Variants in TMEM150C observed in about 807,000 individuals in gnomAD.
TMEM150C encodes the protein transmembrane protein 150C, also known as tentonin 3.
In TMEM150C, 10 loss-of-function variants were observed where a neutral mutation model predicts 29.9. The ratio of observed to expected loss-of-function variants is 0.33; its 90% CI spans 0.21 to 0.57. The LOEUF is 0.57. Ranked by LOEUF, TMEM150C falls within the 20% of genes least tolerant of loss-of-function variation. The pLI, the probability that TMEM150C is intolerant of heterozygous loss-of-function variation, is 0.88. For missense variants in TMEM150C, 251 were observed against 303.6 expected (o/e 0.83, Z 1.29); for synonymous variants, 101 against 112.5 (o/e 0.90, Z 0.64).
In TMEM150C at chr4:82,484,837, T is replaced by C. The variant is rs1020145024; in HGVS notation, c.*674A>G. 1.5e-4 allele frequency: 23 copies of C among 152,550 alleles called. No homozygotes were observed. The highest frequency in any genetic ancestry group is 5.3e-4 in the African/African-American group (22 of 41,440). The allele number at this position is 152,550 out of a possible 1,614,324, so 9.4% of individuals were successfully genotyped here. On this transcript the variant is annotated 3_prime_UTR_variant, in exon 8 of 8. Transcript: ENST00000449862. ...CTGATAGACCACGTCCCTACACATA[T>C]TCACATTTGGAAATCATTCTCAGTC...
chr4:82,510,802 C>T (rs1202108937), intron 1 of TMEM150C, among the ~76,000 whole-genome samples: 4 of 152,150 alleles, frequency 2.6e-5, no homozygotes, highest in African/African-American at 4.8e-5. Context: ...ATGAACGAGT[C>T]GCCCACTCAT....
intron 1 of TMEM150C, among the ~76,000 whole-genome samples, chr4:82,523,333 T>C (rs551756904): frequency 2.0e-5 from 3 of 152,256 alleles, no homozygotes; most frequent in Non-Finnish European, 2.9e-5. Context: ...TTGATTTGCA[T>C]AGGGCTCAGG....
chr4:82,552,907 GGGTGCTGC>G (rs1338491575), intron 1 of TMEM150C, among the ~76,000 whole-genome samples: 2 of 152,190 alleles, frequency 1.3e-5, no homozygotes, highest in African/African-American at 4.8e-5. Context: ...CCCAGTGGAA[GGGTGCTGC>G]ATCTTAGGGC....
chr4:82,504,818 CA>C (rs1252991995), intron 1 of TMEM150C, among the ~76,000 whole-genome samples, 151 bp from the exon 2 acceptor site: 1 of 152,112 alleles, frequency 6.6e-6, no homozygotes, highest in Non-Finnish European at 1.5e-5. Context: ...ATCACGAGGT[CA>C]GGAGATCGAG....
chr4:82,492,852 G>A (rs1383953999), intron 6 of TMEM150C, among the ~76,000 whole-genome samples: 3 of 88,704 alleles, frequency 3.4e-5, no homozygotes, highest in African/African-American at 4.9e-5. Flanking sequence ...CAAACCTAGC[G>A]TATATGTTTG....
chr4:82,531,754 CAAAAAA>C lies in TMEM150C; in HGVS notation c.-10-27093_-10-27088del, dbSNP rs757992713. ...TGGGCAACAGAGCAAGACTCTGTCT[CAAAAAA>C]AAAAAAAAAAAAAAAAAAGGTCATG... On this transcript the variant is annotated intron_variant, in intron 1 of 7. Transcript: ENST00000449862. Among the ~76,000 whole-genome samples the C allele has an allele frequency of 5.2e-3, 321 of 62,290 alleles. 1 individual carries two copies. Among genetic ancestry groups the C allele is most frequent in the Middle Eastern group, 0.024 (2 of 84 alleles). The allele number at this position is 62,290 out of a possible 152,430, so 40.9% of individuals were successfully genotyped here.
chr4:82,502,735 G>T lies in TMEM150C; in HGVS notation c.227C>A (p.Ala76Asp). ...CTTTACCCTCTTCTTACCTAGGAAG[G>T]CTGCCATGTTCATAACTTGACTAAA... ...CVFSQVMNMA[A>D]FLALVVAVLR... The change falls in exon 5 of 8, where the codon GCC becomes GAC. Residue 76 changes from alanine to aspartate, a missense_variant. Ala to Asp is a moderately radical substitution (Grantham distance 126). Transcript: ENST00000449862. The T allele has an allele frequency of 6.2e-7, 1 of 1,609,478 alleles. No homozygotes were observed. Among genetic ancestry groups the T allele is most frequent in the Non-Finnish European group, 8.5e-7 (1 of 1,177,764 alleles).
chr4:82,530,108 A>C (rs1361098014), intron 1 of TMEM150C, among the ~76,000 whole-genome samples: 1 of 150,556 alleles, frequency 6.6e-6, no homozygotes, highest in African/African-American at 2.5e-5. Context: ...CTCTCTCTAG[A>C]GAGAGAGAGT....
intron 1 of TMEM150C, among the ~76,000 whole-genome samples, chr4:82,522,840 A>G (rs934393257): frequency 6.6e-6 from 1 of 152,170 alleles, no homozygotes; most frequent in African/African-American, 2.4e-5. Flanking sequence ...TGGCTAAACC[A>G]ACCTAACGGG....
chr4:82,511,616 C>T (rs1025518458), intron 1 of TMEM150C, among the ~76,000 whole-genome samples: 29 of 151,934 alleles, frequency 1.9e-4, no homozygotes, highest in Non-Finnish European at 2.2e-4. Flanking sequence ...GCTGGGACTA[C>T]AGGCGTGTGC....
At chr4:82,494,872 C>G (rs1723488055) in intron 6 of TMEM150C, 11 of 511,888 alleles carry the variant, frequency 2.1e-5, no homozygotes, top group South Asian at 1.7e-4. Context: ...GAAGCAGAAG[C>G]TCGCAGAGAG....
rs574970984 is a variant in TMEM150C, at chr4:82,495,991, C to G, written c.363+77G>C. ...TTATATGGGCCATATGGTGATTATA[C>G]CTCAATAGCTTTGATAGTCTCAGAA... On this transcript the variant is annotated intron_variant, in intron 6 of 7. Transcript: ENST00000449862. The G allele has an allele frequency of 2.8e-5, 45 of 1,582,910 alleles. No individual in the cohort carries two copies. In the East Asian group the frequency reaches 8.7e-4, roughly 31 times the overall value.
intron 1 of TMEM150C, among the ~76,000 whole-genome samples, chr4:82,541,505 C>T (rs1725201757): frequency 1.3e-5 from 2 of 152,104 alleles, no homozygotes; most frequent in African/African-American, 4.8e-5. Flanking sequence ...TATGTCTGTA[C>T]TCTAGCAACA....
At chr4:82,532,799 G>A (rs1028387071) in intron 1 of TMEM150C, among the ~76,000 whole-genome samples, 13 of 150,330 alleles carry the variant, frequency 8.6e-5, no homozygotes, top group Non-Finnish European at 1.5e-4. Flanking sequence ...CACGATCTCC[G>A]CTCACTGCAA....
Position 82,485,508 on chromosome 4 carries a change from G to A in TMEM150C, c.*3C>T, listed in dbSNP as rs746111189. The A allele has an allele frequency of 1.3e-5, 21 of 1,589,892 alleles. 1 individual carries two copies. In the South Asian group the frequency reaches 2.4e-4, roughly 18 times the overall value. On this transcript the variant is annotated 3_prime_UTR_variant, in exon 8 of 8. Transcript: ENST00000449862. The stretch of plus-strand genomic sequence containing the variant: ...ACCTCACCAGCAAGGAAAAACTGAT[G>A]GTTTACACCTGGTCAGTCTGATATT...
At chr4:82,494,801 T>C in intron 6 of TMEM150C, 1 of 299,900 alleles carries the variant, frequency 3.3e-6, no homozygotes, top group Non-Finnish European at 6.5e-6. Flanking sequence ...TTTTTTTTTT[T>C]TTGTGAGTCT....
intron 1 of TMEM150C, among the ~76,000 whole-genome samples, chr4:82,521,992 G>T (rs1560490553): frequency 6.6e-6 from 1 of 152,136 alleles, no homozygotes; most frequent in South Asian, 2.1e-4. Context: ...GAACCTGGGA[G>T]GTCGAGGCTG....
chr4:82,494,460 A>T (rs1411149155), intron 6 of TMEM150C, among the ~76,000 whole-genome samples: 1 of 152,218 alleles, frequency 6.6e-6, no homozygotes, highest in Non-Finnish European at 1.5e-5. Context: ...CTTGACTTCC[A>T]CATAAACTTG....
At chr4:82,511,210 CT>C (rs768500795) in intron 1 of TMEM150C, among the ~76,000 whole-genome samples, 1 of 152,182 alleles carries the variant, frequency 6.6e-6, no homozygotes, top group Non-Finnish European at 1.5e-5. Context: ...GCCAATCCCC[CT>C]GTTCCTACAA....
Sources: allele counts gnomAD v4.1 joint callset (sites outside exome capture counted in the v4.1 genomes callset), GRCh38; gene constraint gnomAD v4.1.1; transcripts MANE v1.5; gene names NCBI Gene and HGNC (gene_info 2026-07-23, HGNC 2026-07-21).